Variants in HTR4 observed in about 807,000 individuals in gnomAD.
HTR4 encodes the protein 5-hydroxytryptamine (serotonin) receptor 4, G protein-coupled.
HTR4 carries 16 observed loss-of-function variants against 36.8 expected under a neutral mutation model. The observed-to-expected ratio is 0.43, with a 90% CI of 0.29 to 0.66. The LOEUF is 0.66. HTR4 is among the 30% of genes least tolerant of loss of function. The pLI is 0.13. For missense variants in HTR4, 438 were observed against 490.9 expected (o/e 0.89, Z 1.02); for synonymous variants, 189 against 185.1 (o/e 1.02, Z -0.17).
chr5:148,583,642 CAT>C (rs1308475150), intron 2 of HTR4, among the ~76,000 whole-genome samples: 1 of 151,548 alleles, frequency 6.6e-6, no homozygotes, highest in Non-Finnish European at 1.5e-5. Context: ...TCATCATCAT[CAT>C]CATCATTATT....
chr5:148,508,452 C>A (rs1321905157), intron 6 of HTR4, among the ~76,000 whole-genome samples: 2 of 152,180 alleles, frequency 1.3e-5, no homozygotes, highest in African/African-American at 2.4e-5. Context: ...GTCACTTCCA[C>A]CTCCATCCAC....
intron 1 of HTR4, among the ~76,000 whole-genome samples, chr5:148,653,808 A>G (rs1275213408): frequency 5.9e-5 from 9 of 152,142 alleles, no homozygotes; most frequent in Admixed American, 5.9e-4. Context: ...CAGTTTCACA[A>G]GTACTTACAT....
At chr5:148,649,055 AG>A (rs941228619) in intron 1 of HTR4, among the ~76,000 whole-genome samples, 15 of 152,334 alleles carry the variant, frequency 9.8e-5, no homozygotes, top group African/African-American at 2.4e-4. Context: ...CTAATACAAA[AG>A]TTTTCTTAAA....
intron 2 of HTR4, among the ~76,000 whole-genome samples, chr5:148,606,754 C>T (rs1752180815): frequency 6.6e-6 from 1 of 152,112 alleles, no homozygotes; most frequent in Admixed American, 6.5e-5. Flanking sequence ...TAAATCCATA[C>T]AAAATATTTG....
intron 5 of HTR4, among the ~76,000 whole-genome samples, chr5:148,517,101 T>G (rs961722560): frequency 1.3e-5 from 2 of 152,226 alleles, no homozygotes; most frequent in Non-Finnish European, 2.9e-5. Context: ...CAGTATGTTT[T>G]ATTTAGCTTT....
chr5:148,457,958 T>A (rs1326638126), intron 5 of HTR4, among the ~76,000 whole-genome samples: 2 of 133,186 alleles, frequency 1.5e-5, no homozygotes, highest in African/African-American at 5.5e-5. Context: ...ATTAAATATA[T>A]ATTAAAATAT....
intron 2 of HTR4, among the ~76,000 whole-genome samples, chr5:148,596,671 C>T (rs966267523): frequency 1.3e-5 from 2 of 151,342 alleles, no homozygotes; most frequent in Admixed American, 6.6e-5. Flanking sequence ...CAAATGTCCC[C>T]TGGTGGTGGA....
chr5:148,593,764 T>G (rs1761666033), intron 2 of HTR4, among the ~76,000 whole-genome samples: 2 of 152,216 alleles, frequency 1.3e-5, no homozygotes, highest in African/African-American at 4.8e-5. Flanking sequence ...CCTTGAATTC[T>G]AAGATGAAAT....
chr5:148,502,532 C>T (rs185730763), intron 6 of HTR4, among the ~76,000 whole-genome samples: 199 of 152,270 alleles, frequency 1.3e-3, no homozygotes, highest in African/African-American at 4.2e-3. Flanking sequence ...GTAGATAAAA[C>T]CACAAAGATG....
chr5:148,577,551 A>G (rs563009893), intron 2 of HTR4, among the ~76,000 whole-genome samples: 1 of 152,316 alleles, frequency 6.6e-6, no homozygotes, highest in East Asian at 1.9e-4. Flanking sequence ...ATAATAGCAA[A>G]GACATGGAAT....
At chr5:148,524,623 C>T (rs1758176000) in intron 4 of HTR4, among the ~76,000 whole-genome samples, 1 of 152,160 alleles carries the variant, frequency 6.6e-6, no homozygotes, top group Non-Finnish European at 1.5e-5. Context: ...AATTTCACAA[C>T]AGGCAGAATG....
At chr5:148,647,690 A>C (rs58154597) in intron 1 of HTR4, among the ~76,000 whole-genome samples, 1 of 152,312 alleles carries the variant, frequency 6.6e-6, no homozygotes, top group African/African-American at 2.4e-5. Flanking sequence ...CTCTACTAAA[A>C]GTACAAAAAT....
chr5:148,576,230 A>G (rs1760913957), intron 2 of HTR4, among the ~76,000 whole-genome samples: 2 of 152,008 alleles, frequency 1.3e-5, no homozygotes, highest in African/African-American at 4.8e-5. Flanking sequence ...AATTGCCACA[A>G]AAAGAATAAA....
downstream of HTR4, among the ~76,000 whole-genome samples, chr5:148,473,301 C>CAAAA (rs35164649): frequency 4.4e-5 from 3 of 68,626 alleles, no homozygotes; most frequent in Admixed American, 1.7e-4. Flanking sequence ...GACTCCATCT[C>CAAAA]AAAAAAAAAA....
chr5:148,654,385 C>T lies in HTR4; in HGVS notation c.-371G>A, dbSNP rs545640551. 3.0e-6 allele frequency: 3 copies of T among 985,296 alleles called. No individual in the cohort carries two copies. Among genetic ancestry groups the T allele is most frequent in the Non-Finnish European group, 3.6e-6 (3 of 829,908 alleles). 61.0% of individuals were successfully genotyped at this position (985,296 alleles called of 1,614,324 possible). A position where few individuals can be genotyped will look rare whatever the true frequency, so the allele number is the denominator to read the frequency against. On this transcript the variant is annotated 5_prime_UTR_variant, in exon 1 of 7. Transcript: ENST00000377888. Reference sequence around the variant, plus strand: ...GTCCCCGCTGCCCTGCCCGCTGCCGCCCCCACTGGGCGCCAGGGACAGCGG... The same window carrying T: ...GTCCCCGCTGCCCTGCCCGCTGCCGTCCCCACTGGGCGCCAGGGACAGCGG...
chr5:148,483,940 T>C (rs1756020452), intron 6 of HTR4, among the ~76,000 whole-genome samples: 1 of 72,892 alleles, frequency 1.4e-5, no homozygotes, highest in South Asian at 2.9e-4. Flanking sequence ...TTTTATTATT[T>C]ATTTATTTAT....
At chr5:148,652,939 T>C (rs765113169) in intron 1 of HTR4, among the ~76,000 whole-genome samples, 1 of 152,212 alleles carries the variant, frequency 6.6e-6, no homozygotes, top group Admixed American at 6.5e-5. Flanking sequence ...TTCAGAACTC[T>C]GCAGGTCTCA....
chr5:148,517,370 C>CTTTTT (rs375490987), intron 5 of HTR4, among the ~76,000 whole-genome samples: 3 of 149,344 alleles, frequency 2.0e-5, no homozygotes, highest in Admixed American at 2.0e-4. Flanking sequence ...GAATGGTCCA[C>CTTTTT]TTTTTTTTTT....
chr5:148,535,880 A>G (rs372661161), intron 4 of HTR4, among the ~76,000 whole-genome samples: 1 of 152,178 alleles, frequency 6.6e-6, no homozygotes, highest in African/African-American at 2.4e-5. Context: ...CAGGAAATAT[A>G]GAGAACTCCT....
Sources: allele counts gnomAD v4.1 joint callset (sites outside exome capture counted in the v4.1 genomes callset), GRCh38; gene constraint gnomAD v4.1.1; transcripts MANE v1.5; gene names NCBI Gene and HGNC (gene_info 2026-07-23, HGNC 2026-07-21).